Variants in PRSS38 observed in about 807,000 individuals in gnomAD.
PRSS38 encodes marapsin 2.
A neutral mutation model predicts 26.8 loss-of-function variants in PRSS38; 22 were observed. The ratio of observed to expected loss-of-function variants is 0.82; its 90% CI spans 0.59 to 1.17. The LOEUF (loss-of-function observed/expected upper bound fraction) is 1.17, where lower values mean the gene tolerates loss of function less well. Ranked by LOEUF, PRSS38 falls within the 50% of genes most tolerant of loss-of-function variation. The probability of loss-of-function intolerance (pLI) is 0.00; values close to 1 mark genes in which losing one functional copy is unlikely to be tolerated. For missense variants in PRSS38, 427 were observed against 422.7 expected (o/e 1.01, Z -0.09); for synonymous variants, 175 against 172.1 (o/e 1.02, Z -0.13).
chr1:227,843,262 G>A (rs898935757), intron 3 of PRSS38, among the ~76,000 whole-genome samples: 1 of 152,222 alleles, frequency 6.6e-6, no homozygotes, highest in East Asian at 1.9e-4. Context: ...TAACTGAAAA[G>A]TAGCCCTCAT....
chr1:227,844,858 G>T (rs896405275), intron 3 of PRSS38, among the ~76,000 whole-genome samples: 1 of 147,322 alleles, frequency 6.8e-6, no homozygotes, highest in Non-Finnish European at 1.5e-5. Context: ...GTGTGGTCAG[G>T]ACTCCTCCCT....
chr1:227,845,725 C>A, intron 4 of PRSS38, 113 bp downstream of exon 4: 1 of 1,332,418 alleles, frequency 7.5e-7, no homozygotes, highest in Non-Finnish European at 1.0e-6. Context: ...AGCCATGCCC[C>A]AAGCTGAGCA....
At chr1:227,834,832 A>C (rs2102681828) in intron 3 of PRSS38, among the ~76,000 whole-genome samples, 1 of 152,140 alleles carries the variant, frequency 6.6e-6, no homozygotes, top group African/African-American at 2.4e-5. Flanking sequence ...AAATTGTCTC[A>C]AAAAAAATTG....
At chr1:227,826,512 G>A (rs181662304) in intron 3 of PRSS38, among the ~76,000 whole-genome samples, 122 of 152,222 alleles carry the variant, frequency 8.0e-4, no homozygotes, top group African/African-American at 2.7e-3. Context: ...TTAGGAGTTC[G>A]AGAGCAGCCT....
intron 4 of PRSS38, 54 bp from the exon 5 acceptor site, chr1:227,845,900 G>A: frequency 1.9e-6 from 3 of 1,598,520 alleles, no homozygotes; most frequent in Non-Finnish European, 2.6e-6. Flanking sequence ...ACAGGTGCAG[G>A]AGGCGGCAGG....
chr1:227,844,032 G>A (rs1665377991), intron 3 of PRSS38, among the ~76,000 whole-genome samples: 1 of 152,110 alleles, frequency 6.6e-6, no homozygotes, highest in Non-Finnish European at 1.5e-5. Flanking sequence ...AAAACCCTCT[G>A]TGTTACTTTC....
chr1:227,826,401 C>T (rs1044420983), intron 3 of PRSS38, among the ~76,000 whole-genome samples: 3 of 152,122 alleles, frequency 2.0e-5, no homozygotes, highest in African/African-American at 7.2e-5. Context: ...CTGGACAGAA[C>T]GTCCAATATT....
At chr1:227,841,617 T>C (rs1665339010) in intron 3 of PRSS38, among the ~76,000 whole-genome samples, 1 of 152,222 alleles carries the variant, frequency 6.6e-6, no homozygotes, top group Non-Finnish European at 1.5e-5. Flanking sequence ...TGAATGCTGC[T>C]TTAAATCCAG....
chr1:227,824,084 T>C (rs567855572), intron 3 of PRSS38, among the ~76,000 whole-genome samples: 4 of 152,334 alleles, frequency 2.6e-5, no homozygotes, highest in African/African-American at 9.6e-5. Context: ...ACTTTTAAGT[T>C]CAGGGGTACA....
chr1:227,822,293 C>T (rs969688022), intron 3 of PRSS38, among the ~76,000 whole-genome samples: 1 of 152,048 alleles, frequency 6.6e-6, no homozygotes, highest in Non-Finnish European at 1.5e-5. Flanking sequence ...ATATTTAATA[C>T]ACTTGTTTAA....
At chr1:227,826,532 C>T (rs760530582) in intron 3 of PRSS38, among the ~76,000 whole-genome samples, 2 of 152,026 alleles carry the variant, frequency 1.3e-5, no homozygotes, top group Non-Finnish European at 2.9e-5. Flanking sequence ...TGGCCCAACA[C>T]GGTGAAACCC....
chr1:227,823,386 T>C (rs1665029076), intron 3 of PRSS38, among the ~76,000 whole-genome samples: 1 of 151,944 alleles, frequency 6.6e-6, no homozygotes, highest in South Asian at 2.1e-4. Flanking sequence ...AATCATTTGT[T>C]GATGGGCACT....
chr1:227,822,621 C>T (rs905561201), intron 3 of PRSS38, among the ~76,000 whole-genome samples: 4 of 152,216 alleles, frequency 2.6e-5, no homozygotes, highest in African/African-American at 9.6e-5. Flanking sequence ...CATGTGTGGT[C>T]ACTGAAGTCG....
intron 3 of PRSS38, among the ~76,000 whole-genome samples, chr1:227,834,660 C>T (rs1665212909): frequency 1.3e-5 from 1 of 77,972 alleles, no homozygotes; most frequent in Non-Finnish European, 2.4e-5. Context: ...CAGAGCAAGA[C>T]TCTGTTTCAA....
At chr1:227,830,172 T>C (rs950646869) in intron 3 of PRSS38, among the ~76,000 whole-genome samples, 4 of 152,216 alleles carry the variant, frequency 2.6e-5, no homozygotes, top group Admixed American at 2.6e-4. Context: ...CTTTCTAGGT[T>C]GCTGGAATCA....
chr1:227,839,680 T>G (rs1003750408), intron 3 of PRSS38, among the ~76,000 whole-genome samples: 1 of 152,200 alleles, frequency 6.6e-6, no homozygotes, highest in Non-Finnish European at 1.5e-5. Flanking sequence ...GACCTCAGAT[T>G]CCTATGTCTT....
intron 3 of PRSS38, among the ~76,000 whole-genome samples, chr1:227,826,599 C>T (rs190208804): frequency 1.3e-5 from 2 of 152,158 alleles, no homozygotes; most frequent in South Asian, 2.1e-4. Context: ...ATCTGTAGTC[C>T]CAGCTACTCG....
intron 2 of PRSS38, among the ~76,000 whole-genome samples, 162 bp from the exon 3 acceptor site, chr1:227,817,047 A>T (rs1225616699): frequency 6.6e-6 from 1 of 152,044 alleles, no homozygotes; most frequent in Non-Finnish European, 1.5e-5. Flanking sequence ...TTAGGGGGCA[A>T]CTCTTCCAGA....
At position 227,826,485 on chromosome 1, in the gene PRSS38, G is replaced by A. The variant is rs577480300; in HGVS notation, c.583+9005G>A. Among the ~76,000 whole-genome samples, 98 of 152,286 alleles carry A rather than the reference G, an allele frequency of 6.4e-4. No homozygotes were observed. The Middle Eastern group carries it at 0.01, about 16-fold the overall frequency. ...TCCCAACACTTTGGGAGGTTGAGGC[G>A]GGTGGATCACCTGAGGTTAGGAGTT... On this transcript the variant is annotated intron_variant, in intron 3 of 4. Transcript: ENST00000366757.
Sources: allele counts gnomAD v4.1 joint callset (sites outside exome capture counted in the v4.1 genomes callset), GRCh38; gene constraint gnomAD v4.1.1; transcripts MANE v1.5; gene names NCBI Gene and HGNC (gene_info 2026-07-23, HGNC 2026-07-21).